The following PTGFR variants were observed in gnomAD, a reference collection of about 807,000 sequenced individuals.
The protein encoded by PTGFR is prostaglandin F receptor.
In PTGFR, 15 loss-of-function variants were observed where a neutral mutation model predicts 26.2. That is an observed-to-expected ratio of 0.57 (90% confidence interval 0.38 to 0.88). PTGFR has a LOEUF of 0.88. Among genes scored for constraint, PTGFR ranks in the 40% least tolerant of loss-of-function variants. The pLI, the probability that PTGFR is intolerant of heterozygous loss-of-function variation, is 0.00. For missense variants in PTGFR, 369 were observed against 427.2 expected, an observed-to-expected ratio of 0.86 and a Z score of 1.20; for synonymous variants, 165 against 151.1, an observed-to-expected ratio of 1.09 and a Z score of -0.68.
chr1:78,497,902 A>G (rs202112335), intron 2 of PTGFR: 84 of 1,593,862 alleles, frequency 5.3e-5, no homozygotes, highest in Non-Finnish European at 1.0e-5. Flanking sequence ...AATGGGAAAG[A>G]GAAATATAAA....
At chr1:78,517,324 T>TA (rs754368797) in intron 2 of PTGFR, among the ~76,000 whole-genome samples, 2 of 152,118 alleles carry the variant, frequency 1.3e-5, no homozygotes, top group East Asian at 3.9e-4. Flanking sequence ...TCCCTTCTCT[T>TA]ATGGGTTACG....
chr1:78,502,615 A>C (rs1397874841), intron 2 of PTGFR, among the ~76,000 whole-genome samples: 1 of 152,134 alleles, frequency 6.6e-6, no homozygotes, highest in Non-Finnish European at 1.5e-5. Flanking sequence ...GTTGCCCACT[A>C]ATCATTTTGT....
At chr1:78,502,941 G>C (rs1190510573) in intron 2 of PTGFR, among the ~76,000 whole-genome samples, 1 of 152,110 alleles carries the variant, frequency 6.6e-6, no homozygotes, top group Non-Finnish European at 1.5e-5. Flanking sequence ...TATTATGAAT[G>C]TTTGTGGATG....
intron 2 of PTGFR, among the ~76,000 whole-genome samples, chr1:78,510,022 C>T (rs967867389): frequency 4.6e-5 from 7 of 152,186 alleles, no homozygotes; most frequent in African/African-American, 1.7e-4. Context: ...CAGTTCAACT[C>T]ATCCAAAGAT....
Position 78,493,341 on chromosome 1 carries a change from T to G in PTGFR, c.598T>G (p.Phe200Val), listed in dbSNP as rs1649464964. Residue 200 changes from phenylalanine to valine, a missense_variant, in exon 2 of 3, where the codon TTT becomes GTT. By Grantham distance (50) the Phe-to-Val change is conservative. Transcript: ENST00000370757. Reference sequence around the variant, plus strand: ...AGACATCAAAGACTGGGAAGATAGATTTTATCTTCTACTTTTTTCTTTTCT... The same window carrying G: ...AGACATCAAAGACTGGGAAGATAGAGTTTATCTTCTACTTTTTTCTTTTCT... ...TEDIKDWEDRFYLLLFSFLGL... is the reference protein window; with the variant it reads ...TEDIKDWEDRVYLLLFSFLGL... 1 of 1,614,000 alleles carries G rather than the reference T, an allele frequency of 6.2e-7. No individual in the cohort carries two copies. Among genetic ancestry groups the G allele is most frequent in the Admixed American group, 1.7e-5 (1 of 59,990 alleles).
At chr1:78,515,132 C>G (rs1200933263) in intron 2 of PTGFR, among the ~76,000 whole-genome samples, 1 of 151,970 alleles carries the variant, frequency 6.6e-6, no homozygotes, top group Non-Finnish European at 1.5e-5. Flanking sequence ...AACATCTAAA[C>G]TATATTGATA....
intron 2 of PTGFR, among the ~76,000 whole-genome samples, chr1:78,526,365 G>A (rs946582154): frequency 2.0e-5 from 3 of 152,060 alleles, no homozygotes; most frequent in African/African-American, 7.2e-5. Context: ...TGCTAAACAT[G>A]TTCTAGTGCT....
At position 78,526,059 on chromosome 1, in the gene PTGFR, G is replaced by A. The variant is rs527676332; in HGVS notation, c.799-10347G>A. On this transcript the variant is annotated intron_variant, in intron 2 of 2. Transcript: ENST00000370757. Reference sequence around the variant, plus strand: ...TGATTTTGGTTGATTGCTGAGACTGGTTTGTACTAGACTTACAGTATGCCT... The same window carrying A: ...TGATTTTGGTTGATTGCTGAGACTGATTTGTACTAGACTTACAGTATGCCT... 2.0e-5 allele frequency among the ~76,000 whole-genome samples: 3 copies of A among 152,116 alleles called. No individual in the cohort carries two copies. The East Asian group carries it at 5.8e-4, about 29-fold the overall frequency.
chr1:78,508,202 A>C (rs1321205197), intron 2 of PTGFR, among the ~76,000 whole-genome samples: 2 of 152,070 alleles, frequency 1.3e-5, no homozygotes, highest in African/African-American at 4.8e-5. Context: ...CAAATATATC[A>C]GAGCTTCTTG....
At chr1:78,501,165 G>C (rs1458500609) in intron 2 of PTGFR, among the ~76,000 whole-genome samples, 9 of 151,938 alleles carry the variant, frequency 5.9e-5, no homozygotes, top group Admixed American at 5.9e-4. Context: ...TGGCTTAAAG[G>C]GTTTTGGGCT....
intron 2 of PTGFR, among the ~76,000 whole-genome samples, chr1:78,528,592 T>A (rs1189778650): frequency 1.3e-5 from 2 of 152,168 alleles, no homozygotes; most frequent in Non-Finnish European, 2.9e-5. Flanking sequence ...TCTTTGCATT[T>A]GGTCTGTAGG....
At chr1:78,518,962 C>G (rs1456032151) in intron 2 of PTGFR, among the ~76,000 whole-genome samples, 2 of 152,142 alleles carry the variant, frequency 1.3e-5, no homozygotes, top group African/African-American at 4.8e-5. Context: ...TACTCTTCAG[C>G]TTCTGTTACT....
At chr1:78,528,732 A>G (rs1650435212) in intron 2 of PTGFR, among the ~76,000 whole-genome samples, 1 of 152,172 alleles carries the variant, frequency 6.6e-6, no homozygotes, top group Non-Finnish European at 1.5e-5. Context: ...CAGGGAACCA[A>G]CACATACATT....
At chr1:78,524,108 A>G (rs939695588) in intron 2 of PTGFR, among the ~76,000 whole-genome samples, 1 of 152,036 alleles carries the variant, frequency 6.6e-6, no homozygotes, top group Admixed American at 6.6e-5. Flanking sequence ...GCTACTATTG[A>G]GTATATTCAT....
chr1:78,535,769 T>C (rs969963293), intron 2 of PTGFR, among the ~76,000 whole-genome samples: 1 of 152,160 alleles, frequency 6.6e-6, no homozygotes, highest in Non-Finnish European at 1.5e-5. Flanking sequence ...AAATACATTG[T>C]TACAGTTAAG....
intron 2 of PTGFR, among the ~76,000 whole-genome samples, chr1:78,530,742 T>C (rs1411536885): frequency 2.0e-5 from 3 of 152,220 alleles, no homozygotes; most frequent in Non-Finnish European, 4.4e-5. Context: ...CAATAAATGT[T>C]AGCTATTTTT....
At chr1:78,519,026 A>G (rs1460463443) in intron 2 of PTGFR, among the ~76,000 whole-genome samples, 1 of 152,130 alleles carries the variant, frequency 6.6e-6, no homozygotes, top group Admixed American at 6.6e-5. Context: ...TTGACTTGGG[A>G]AACTGTTTAG....
chr1:78,492,731 T>C lies in PTGFR; in HGVS notation c.-13T>C. The C allele has an allele frequency of 6.3e-7, 1 of 1,597,104 alleles. No homozygotes were observed. The highest frequency in any genetic ancestry group is 8.5e-7 in the Non-Finnish European group (1 of 1,171,446). ...GGAGATGACTTGAGTGGTTGGCTTTTATCTCCACAACAATGTCCATGAACA... is the reference window on the plus strand; with the variant it reads ...GGAGATGACTTGAGTGGTTGGCTTTCATCTCCACAACAATGTCCATGAACA... On this transcript the variant is annotated 5_prime_UTR_variant, in exon 2 of 3. Transcript: ENST00000370757.
intron 2 of PTGFR, among the ~76,000 whole-genome samples, chr1:78,517,771 T>C (rs1385362847): frequency 1.3e-5 from 2 of 152,058 alleles, no homozygotes; most frequent in African/African-American, 4.8e-5. Context: ...ATTGGAAGGG[T>C]TTTTAACAAG....
Sources: gnomAD v4.1 joint callset for allele counts (sites outside exome capture counted in the v4.1 genomes callset) on GRCh38, gnomAD v4.1.1 for gene constraint, MANE v1.5 for transcripts, NCBI Gene and HGNC (gene_info 2026-07-23, HGNC 2026-07-21) for gene names.